The following HIBADH variants were observed in gnomAD, a reference collection of about 807,000 sequenced individuals.
The protein encoded by HIBADH is 3-hydroxyisobutyrate dehydrogenase.
A neutral mutation model predicts 36.1 loss-of-function variants in HIBADH; 25 were observed. The observed-to-expected ratio is 0.69, with a 90% confidence interval of 0.50 to 0.97. The LOEUF (loss-of-function observed/expected upper bound fraction) is 0.97. Ranked by LOEUF, HIBADH falls within the 50% of genes least tolerant of loss-of-function variation. The pLI is 0.00. For missense variants in HIBADH, 421 were observed against 418.0 expected (o/e 1.01, Z -0.06); for synonymous variants, 160 against 149.5 (o/e 1.07, Z -0.51).
rs1783996822 is a variant in HIBADH, at chr7:27,531,321, A to G, written c.723T>C (p.Ala241=). The change falls in exon 7 of 8, where the codon GCT becomes GCC. Residue 241 remains alanine, a synonymous_variant. Transcript: ENST00000265395. ...IRLGLDPKLL[A]KILNMSSGRC... is the part of the protein sequence containing the mutation. Reference sequence around the variant, plus strand: ...GTCCTGAGCTCATATTTAGGATTTTAGCCAGTAGTTTTGGGTCAAGCCCTA... The same window carrying G: ...GTCCTGAGCTCATATTTAGGATTTTGGCCAGTAGTTTTGGGTCAAGCCCTA... The G allele has an allele frequency of 6.2e-7, 1 of 1,613,400 alleles. No individual in the cohort carries two copies. The highest frequency in any genetic ancestry group is 2.2e-5 in the East Asian group (1 of 44,860).
chr7:27,624,658 G>A (rs889143655), intron 4 of HIBADH, among the ~76,000 whole-genome samples: 3 of 152,120 alleles, frequency 2.0e-5, no homozygotes, highest in Non-Finnish European at 2.9e-5. Flanking sequence ...TGAAATATAT[G>A]AGAACTCTAG....
chr7:27,601,234 C>T (rs188912674), intron 4 of HIBADH, among the ~76,000 whole-genome samples: 2 of 152,114 alleles, frequency 1.3e-5, no homozygotes, highest in Admixed American at 1.3e-4. Context: ...TCTTGAAGGT[C>T]CTCTGTTTAA....
At chr7:27,591,572 A>G (rs1583585504) in intron 4 of HIBADH, among the ~76,000 whole-genome samples, 1 of 151,452 alleles carries the variant, frequency 6.6e-6, no homozygotes. Flanking sequence ...AAAAATTATC[A>G]CCTAACCCAC....
chr7:27,548,394 G>C (rs1052098838), intron 4 of HIBADH, among the ~76,000 whole-genome samples: 1 of 151,964 alleles, frequency 6.6e-6, no homozygotes, highest in African/African-American at 2.4e-5. Context: ...TGGTTGGGGG[G>C]AGGGAGAAGT....
At chr7:27,633,527 G>A (rs1050471448) in intron 2 of HIBADH, among the ~76,000 whole-genome samples, 2 of 151,962 alleles carry the variant, frequency 1.3e-5, no homozygotes, top group Non-Finnish European at 2.9e-5. Context: ...GGTGTAGTGG[G>A]GCGCACCAGT....
chr7:27,551,534 ATT>A (rs1784320045), intron 4 of HIBADH, among the ~76,000 whole-genome samples: 1 of 152,210 alleles, frequency 6.6e-6, no homozygotes, highest in South Asian at 2.1e-4. Context: ...GAAATTTGGA[ATT>A]TAGCCTTACT....
intron 1 of HIBADH, among the ~76,000 whole-genome samples, chr7:27,660,020 T>C (rs1415494951): frequency 2.0e-5 from 3 of 152,220 alleles, no homozygotes; most frequent in Non-Finnish European, 4.4e-5. Flanking sequence ...GGTGCCATTG[T>C]ACTCCTGCCT....
At chr7:27,623,364 A>T (rs1181308551) in intron 4 of HIBADH, among the ~76,000 whole-genome samples, 1 of 152,206 alleles carries the variant, frequency 6.6e-6, no homozygotes, top group East Asian at 1.9e-4. Context: ...ACCCACTTTC[A>T]CCACTCCTAT....
intron 3 of HIBADH, among the ~76,000 whole-genome samples, chr7:27,630,156 G>A (rs1785722542): frequency 6.6e-6 from 1 of 152,104 alleles, no homozygotes; most frequent in Non-Finnish European, 1.5e-5. Flanking sequence ...ATCTTCACTA[G>A]CTAGGAAACT....
At chr7:27,659,821 G>A (rs1043304487) in intron 1 of HIBADH, among the ~76,000 whole-genome samples, 10 of 152,244 alleles carry the variant, frequency 6.6e-5, no homozygotes, top group Non-Finnish European at 1.3e-4. Flanking sequence ...ACTTTGGGAG[G>A]TCAAGGCAAG....
chr7:27,614,703 C>T (rs754842243), intron 4 of HIBADH, among the ~76,000 whole-genome samples: 6 of 152,160 alleles, frequency 3.9e-5, no homozygotes, highest in Non-Finnish European at 5.9e-5. Flanking sequence ...TTCACAAATC[C>T]TTATATCTAA....
At chr7:27,541,874 G>C (rs1784156443) in intron 5 of HIBADH, 1 of 316,684 alleles carries the variant, frequency 3.2e-6, no homozygotes, top group Non-Finnish European at 6.1e-6. Flanking sequence ...GACATTTTAT[G>C]CTCAATACTT....
At chr7:27,633,414 T>G (rs1785782784) in intron 2 of HIBADH, among the ~76,000 whole-genome samples, 1 of 152,092 alleles carries the variant, frequency 6.6e-6, no homozygotes, top group African/African-American at 2.4e-5. Flanking sequence ...TCCCAGCACT[T>G]TGGGAGGCCG....
chr7:27,587,725 T>G (rs1450363771), intron 4 of HIBADH, among the ~76,000 whole-genome samples: 1 of 152,152 alleles, frequency 6.6e-6, no homozygotes, highest in East Asian at 1.9e-4. Flanking sequence ...CATCAGTGAT[T>G]TGAAGGTTGA....
chr7:27,549,046 A>G (rs776048996), intron 4 of HIBADH, among the ~76,000 whole-genome samples: 1 of 152,192 alleles, frequency 6.6e-6, no homozygotes, highest in Non-Finnish European at 1.5e-5. Context: ...GTAATCTGGT[A>G]TGCTTTTTAT....
chr7:27,635,820 C>T (rs1785831530), intron 2 of HIBADH, among the ~76,000 whole-genome samples: 1 of 152,204 alleles, frequency 6.6e-6, no homozygotes, highest in African/African-American at 2.4e-5. Context: ...ATTCCAACGG[C>T]CTCATACTTA....
chr7:27,607,215 A>AG (rs1491045263), intron 4 of HIBADH, among the ~76,000 whole-genome samples: 1 of 151,696 alleles, frequency 6.6e-6, no homozygotes, highest in Non-Finnish European at 1.5e-5. Flanking sequence ...TGCTGTATTT[A>AG]AAAGTCTGCG....
At chr7:27,564,868 T>C (rs752324932) in intron 4 of HIBADH, among the ~76,000 whole-genome samples, 34 of 152,322 alleles carry the variant, frequency 2.2e-4, no homozygotes, top group Admixed American at 6.5e-4. Context: ...TAATTTAGTT[T>C]TTGAAACAAA....
intron 4 of HIBADH, among the ~76,000 whole-genome samples, chr7:27,564,465 C>CA (rs1784512221): frequency 6.6e-6 from 1 of 152,018 alleles, no homozygotes; most frequent in Non-Finnish European, 1.5e-5. Flanking sequence ...GCACATTTGT[C>CA]AAAAAACAAA....
Sources: gnomAD v4.1 joint callset for allele counts (sites outside exome capture counted in the v4.1 genomes callset) on GRCh38, gnomAD v4.1.1 for gene constraint, MANE v1.5 for transcripts, NCBI Gene and HGNC (gene_info 2026-07-23, HGNC 2026-07-21) for gene names.